KDM2B: variants seen among roughly 807,000 people sequenced by gnomAD.
KDM2B encodes lysine-specific demethylase 2B.
Under a neutral mutation model 150.0 loss-of-function variants are expected in KDM2B, and 26 were observed. That is an observed-to-expected ratio of 0.17 (90% CI 0.13 to 0.24). The LOEUF (loss-of-function observed/expected upper bound fraction) is 0.24, where lower values mean the gene tolerates loss of function less well. Ranked by LOEUF, KDM2B falls within the 10% of genes least tolerant of loss-of-function variation. The probability of loss-of-function intolerance (pLI) is 1.00; values close to 1 mark genes in which losing one functional copy is unlikely to be tolerated. For missense variants in KDM2B, 1,265 were observed against 1,816.9 expected, an observed-to-expected ratio of 0.70 and a Z score of 5.52; for synonymous variants, 734 against 729.5, an observed-to-expected ratio of 1.01 and a Z score of -0.10.
At chr12:121,543,812 G>A (rs1225088443) in intron 6 of KDM2B, among the ~76,000 whole-genome samples, 7 of 150,646 alleles carry the variant, frequency 4.6e-5, no homozygotes, top group East Asian at 2.0e-4. Context: ...GTGAGACTCC[G>A]TCTAAAAAAC....
At chr12:121,565,319 T>G (rs1225958697) in intron 4 of KDM2B, among the ~76,000 whole-genome samples, 1 of 138,924 alleles carries the variant, frequency 7.2e-6, no homozygotes, top group Non-Finnish European at 1.5e-5. Context: ...GGAAAGGACT[T>G]TTTTTTTTTT....
intron 12 of KDM2B, among the ~76,000 whole-genome samples, chr12:121,458,237 G>A (rs1339638831): frequency 1.3e-5 from 2 of 151,950 alleles, no homozygotes; most frequent in Admixed American, 6.6e-5. Context: ...CTAGCTGAGT[G>A]TGCTGTCACA....
intron 22 of KDM2B, among the ~76,000 whole-genome samples, chr12:121,434,500 C>CA (rs1166374523): frequency 0.057 from 3,502 of 61,780 alleles, 107 homozygotes; most frequent in Admixed American, 0.11. Flanking sequence ...GACTCTCTAT[C>CA]AAAAAAAAAA....
chr12:121,521,165 G>C lies in KDM2B; in HGVS notation c.932-65C>G, dbSNP rs1356387331. The C allele has an allele frequency of 3.5e-6, 4 of 1,136,246 alleles. No individual in the cohort carries two copies. In the African/African-American group the frequency reaches 4.6e-5, roughly 13 times the overall value. The allele number at this position is 1,136,246 out of a possible 1,614,324, so 70.4% of individuals were successfully genotyped here. ...CCTGTGGGCTCCCACACCTCACAAGGCTGCAGGGAGGGAGAGCGAGCGTGC... is the reference window on the plus strand; with the variant it reads ...CCTGTGGGCTCCCACACCTCACAAGCCTGCAGGGAGGGAGAGCGAGCGTGC... On this transcript the variant is annotated intron_variant, in intron 8 of 22. Transcript: ENST00000377071. This position sits in a 1 kb window ranked among gnomAD's most constrained non-coding sequence, Gnocchi z 4.9.
At chr12:121,455,909 G>A (rs550916288) in intron 12 of KDM2B, among the ~76,000 whole-genome samples, 1 of 152,340 alleles carries the variant, frequency 6.6e-6, no homozygotes, top group African/African-American at 2.4e-5. Context: ...ATGGCACAGA[G>A]CAGACTGTGA....
At chr12:121,528,778 A>C (rs1024703912) in intron 8 of KDM2B, among the ~76,000 whole-genome samples, 7 of 152,152 alleles carry the variant, frequency 4.6e-5, no homozygotes, top group African/African-American at 7.2e-5. Context: ...CTGTAATCCC[A>C]GCTACTTGGG....
intron 22 of KDM2B, among the ~76,000 whole-genome samples, chr12:121,437,654 G>A (rs1318706173): frequency 6.6e-6 from 1 of 152,210 alleles, no homozygotes; most frequent in African/African-American, 2.4e-5. Context: ...GGGAAAGGCA[G>A]GGGACTGCCT....
In KDM2B at chr12:121,521,754, C is replaced by T. The variant is rs534226496; in HGVS notation, c.932-654G>A. Among the ~76,000 whole-genome samples, 2 of 152,202 alleles carry T rather than the reference C, an allele frequency of 1.3e-5. No homozygotes were observed. The highest frequency in any genetic ancestry group is 4.1e-4 in the South Asian group (2 of 4,826). ...CCTGCAGCTTCTCACAGCTGGGAGC[C>T]GCAGTTTTTCATCTCTCCAAACTCC... On this transcript the variant is annotated intron_variant, in intron 8 of 22. Coordinates refer to ENST00000377071, the MANE Select transcript of KDM2B (RefSeq NM_032590.5). The surrounding 1 kb of genome is among the most constrained non-coding windows in gnomAD (Gnocchi z 4.9).
chr12:121,457,597 CCT>C (rs1276368092), intron 12 of KDM2B, among the ~76,000 whole-genome samples: 2 of 152,036 alleles, frequency 1.3e-5, no homozygotes, highest in African/African-American at 4.8e-5. Flanking sequence ...CTGTCCTACC[CCT>C]GTCCCAGCAA....
intron 12 of KDM2B, among the ~76,000 whole-genome samples, chr12:121,485,782 T>C (rs1882687550): frequency 7.4e-6 from 1 of 134,414 alleles, no homozygotes; most frequent in South Asian, 2.4e-4. Context: ...AAATGATAAC[T>C]TTTTTTTTTT....
chr12:121,464,437 C>T (rs560759842), intron 12 of KDM2B, among the ~76,000 whole-genome samples: 1 of 152,226 alleles, frequency 6.6e-6, no homozygotes, highest in African/African-American at 2.4e-5. Context: ...TCGCTCACCG[C>T]GGGCCCATCC....
At chr12:121,432,706 G>T (rs1324504231) in intron 22 of KDM2B, among the ~76,000 whole-genome samples, 2 of 152,176 alleles carry the variant, frequency 1.3e-5, no homozygotes, top group Non-Finnish European at 2.9e-5. Context: ...CTTCCATCTT[G>T]ACCCTGTTCC....
the KDM2B span, among the ~76,000 whole-genome samples, chr12:121,421,371 TAAAAA>T: frequency 1.5e-4 from 7 of 46,368 alleles, no homozygotes; most frequent in East Asian, 6.1e-4. Flanking sequence ...ATCCCATCTC[TAAAAA>T]AAAAAAAAAA....
the KDM2B span, chr12:121,416,479 T>C: frequency 1.2e-6 from 1 of 843,608 alleles, no homozygotes; most frequent in Middle Eastern, 2.4e-4. Flanking sequence ...TTTATAAAAA[T>C]ATCAAAAGCT....
At chr12:121,464,140 G>A (rs532439529) in intron 12 of KDM2B, among the ~76,000 whole-genome samples, 1 of 152,314 alleles carries the variant, frequency 6.6e-6, no homozygotes, top group African/African-American at 2.4e-5. Context: ...GGCTGAGGCA[G>A]GAGGATCGCT....
intron 11 of KDM2B, among the ~76,000 whole-genome samples, chr12:121,502,866 G>A (rs1432978821): frequency 6.6e-6 from 1 of 151,274 alleles, no homozygotes; most frequent in Admixed American, 6.6e-5. Flanking sequence ...TCGAGGCTAT[G>A]GAGAGCTGTT....
intron 2 of KDM2B, among the ~76,000 whole-genome samples, chr12:121,576,381 A>AG (rs1292523347): frequency 6.6e-6 from 1 of 152,082 alleles, no homozygotes; most frequent in Non-Finnish European, 1.5e-5. Context: ...AGTGAAGGGG[A>AG]GGGGGGAAAA....
At chr12:121,500,466 T>C (rs901100333) in intron 11 of KDM2B, among the ~76,000 whole-genome samples, 2 of 152,210 alleles carry the variant, frequency 1.3e-5, no homozygotes, top group Non-Finnish European at 2.9e-5. Flanking sequence ...TATGCCAACT[T>C]CTCTCAAAGA....
rs184170052 is a variant in KDM2B, at chr12:121,429,487, T to G, written c.*801A>C. On this transcript the variant is annotated 3_prime_UTR_variant, in exon 23 of 23. Coordinates refer to ENST00000377071, the MANE Select transcript of KDM2B (RefSeq NM_032590.5). ...AGTGCAAAGGCTGAAGTCGAAATTT[T>G]AAAATTTGAGAAAAGTGAATTCTCT... The G allele has an allele frequency of 2.5e-4, 39 of 155,440 alleles. No homozygotes were observed. Among genetic ancestry groups the G allele is most frequent in the Non-Finnish European group, 4.6e-4 (32 of 69,786 alleles). 9.6% of individuals were successfully genotyped at this position (155,440 alleles called of 1,614,324 possible).
Sources: allele counts gnomAD v4.1 joint callset (sites outside exome capture counted in the v4.1 genomes callset), GRCh38; gene constraint gnomAD v4.1.1; non-coding constraint Gnocchi (gnomAD v3.1); transcripts MANE v1.5; gene names NCBI Gene and HGNC (gene_info 2026-07-23, HGNC 2026-07-21).